The following GBE1 variants were observed in gnomAD, a reference collection of about 807,000 sequenced individuals.
The protein encoded by GBE1 is 1,4-alpha-glucan-branching enzyme.
A neutral mutation model predicts 88.8 loss-of-function variants in GBE1; 70 were observed. The observed-to-expected ratio is 0.79, with a 90% CI of 0.65 to 0.96. GBE1 has a LOEUF of 0.96. Ranked by LOEUF, GBE1 falls within the 40% of genes least tolerant of loss-of-function variation. The pLI is 0.00. For missense variants in GBE1, 872 were observed against 871.0 expected (o/e 1.00, Z -0.01); for synonymous variants, 284 against 300.1 (o/e 0.95, Z 0.56).
At chr3:81,491,716 T>G (rs1191376345) in intron 15 of GBE1, among the ~76,000 whole-genome samples, 1 of 152,026 alleles carries the variant, frequency 6.6e-6, no homozygotes, top group Admixed American at 6.6e-5. Context: ...AAAGCTTGCC[T>G]GATGGTTTAA....
intron 1 of GBE1, among the ~76,000 whole-genome samples, chr3:81,740,295 T>G (rs1284835596): frequency 6.6e-6 from 1 of 151,960 alleles, no homozygotes; most frequent in Non-Finnish European, 1.5e-5. Context: ...AATCTATTCT[T>G]TTCCACTTTT....
At chr3:81,535,896 C>A (rs1703067363) in intron 13 of GBE1, among the ~76,000 whole-genome samples, 2 of 151,842 alleles carry the variant, frequency 1.3e-5, no homozygotes, top group South Asian at 2.1e-4. Flanking sequence ...TCTGTAAACT[C>A]TCTTCTTTTC....
At chr3:81,617,428 C>A (rs1417381872) in intron 7 of GBE1, among the ~76,000 whole-genome samples, 2 of 151,854 alleles carry the variant, frequency 1.3e-5, no homozygotes, top group African/African-American at 4.8e-5. Context: ...TTACTCTGAG[C>A]CATTTTATTT....
intron 12 of GBE1, among the ~76,000 whole-genome samples, chr3:81,568,047 C>T (rs550768855): frequency 3.3e-5 from 5 of 152,314 alleles, no homozygotes; most frequent in Admixed American, 1.3e-4. Flanking sequence ...CACCCCTGGG[C>T]TTTTGAACAT....
chr3:81,746,085 T>C (rs544415818), intron 1 of GBE1, among the ~76,000 whole-genome samples: 1 of 152,312 alleles, frequency 6.6e-6, no homozygotes, highest in East Asian at 1.9e-4. Context: ...AAATATTAGA[T>C]TTACTTGTCA....
intron 14 of GBE1, among the ~76,000 whole-genome samples, chr3:81,507,290 C>A (rs977430931): frequency 6.6e-6 from 1 of 151,858 alleles, no homozygotes; most frequent in African/African-American, 2.4e-5. Flanking sequence ...CTTGCCCGGG[C>A]GCAGTGGCTC....
intron 15 of GBE1, among the ~76,000 whole-genome samples, chr3:81,491,161 C>G (rs1702431509): frequency 6.6e-6 from 1 of 152,322 alleles, no homozygotes; most frequent in Non-Finnish European, 1.5e-5. Flanking sequence ...CTGCTGTAAA[C>G]ACTCTTTGCC....
At chr3:81,521,474 T>G (rs1702873767) in intron 14 of GBE1, among the ~76,000 whole-genome samples, 1 of 151,606 alleles carries the variant, frequency 6.6e-6, no homozygotes, top group Non-Finnish European at 1.5e-5. Flanking sequence ...TCCTAATTTT[T>G]AATATTTTGT....
intron 14 of GBE1, among the ~76,000 whole-genome samples, chr3:81,525,413 T>A (rs564128941): frequency 1.8e-4 from 28 of 152,188 alleles, no homozygotes; most frequent in African/African-American, 6.5e-4. Context: ...CGTTTTGATG[T>A]GCTGCTGGAT....
intron 15 of GBE1, among the ~76,000 whole-genome samples, chr3:81,493,788 G>A (rs1035371913): frequency 2.0e-5 from 3 of 151,772 alleles, no homozygotes; most frequent in Non-Finnish European, 1.5e-5. Context: ...TGCCTGCCTC[G>A]GCAGGCTGGG....
intron 2 of GBE1, among the ~76,000 whole-genome samples, chr3:81,697,346 C>T (rs1332591656): frequency 1.3e-5 from 2 of 148,856 alleles, no homozygotes; most frequent in Admixed American, 1.3e-4. Context: ...GTCATCCAGG[C>T]TGGAGTGCAG....
intron 13 of GBE1, among the ~76,000 whole-genome samples, chr3:81,536,423 C>T (rs1703074003): frequency 6.6e-6 from 1 of 151,372 alleles, no homozygotes; most frequent in Non-Finnish European, 1.5e-5. Flanking sequence ...CAGACAGGCT[C>T]ATGAAAAATA....
At chr3:81,572,152 C>T (rs1325965996) in intron 12 of GBE1, among the ~76,000 whole-genome samples, 1 of 152,158 alleles carries the variant, frequency 6.6e-6, no homozygotes, top group Non-Finnish European at 1.5e-5. Context: ...CTCCTTCCTG[C>T]AGCCTTGTGA....
intron 14 of GBE1, among the ~76,000 whole-genome samples, chr3:81,506,704 G>A (rs1702659244): frequency 6.6e-6 from 1 of 152,152 alleles, no homozygotes; most frequent in Admixed American, 6.6e-5. Context: ...TAAAGAAAAT[G>A]TGGTACACAT....
chr3:81,688,501 G>A (rs1705472078), intron 2 of GBE1, among the ~76,000 whole-genome samples: 1 of 152,046 alleles, frequency 6.6e-6, no homozygotes, highest in Admixed American at 6.5e-5. Context: ...AGGTAATAAA[G>A]AATACAATTA....
At chr3:81,554,270 T>C (rs1367555512) in intron 12 of GBE1, among the ~76,000 whole-genome samples, 1 of 152,212 alleles carries the variant, frequency 6.6e-6, no homozygotes, top group Non-Finnish European at 1.5e-5. Flanking sequence ...AATAATTTGC[T>C]AATGGAGAAC....
chr3:81,705,089 C>T (rs1008638123), intron 2 of GBE1, among the ~76,000 whole-genome samples: 8 of 152,064 alleles, frequency 5.3e-5, no homozygotes, highest in African/African-American at 1.4e-4. Context: ...TGAATGCTAG[C>T]GGAGCTTTAT....
chr3:81,738,764 A>G (rs1427809040), intron 1 of GBE1, among the ~76,000 whole-genome samples: 1 of 152,156 alleles, frequency 6.6e-6, no homozygotes, highest in Non-Finnish European at 1.5e-5. Context: ...CCATTATTTA[A>G]TCCTCATAAA....
At chr3:81,561,827 T>C (rs908801903) in intron 12 of GBE1, among the ~76,000 whole-genome samples, 2 of 152,062 alleles carry the variant, frequency 1.3e-5, no homozygotes, top group African/African-American at 4.8e-5. Context: ...AGGCCCTCAT[T>C]CTGTTTCACC....
Sources: gnomAD v4.1 joint callset for allele counts (sites outside exome capture counted in the v4.1 genomes callset) on GRCh38, gnomAD v4.1.1 for gene constraint, MANE v1.5 for transcripts, NCBI Gene and HGNC (gene_info 2026-07-23, HGNC 2026-07-21) for gene names.